The following PDE4B variants were observed in gnomAD, a reference collection of about 807,000 sequenced individuals.
The protein encoded by PDE4B is 3',5'-cyclic-AMP phosphodiesterase 4B.
PDE4B carries 20 observed loss-of-function variants against 82.2 expected under a neutral mutation model. The ratio of observed to expected loss-of-function variants is 0.24; its 90% CI spans 0.17 to 0.35. The LOEUF is 0.35. Ranked by LOEUF, PDE4B falls within the 10% of genes least tolerant of loss-of-function variation. The probability of loss-of-function intolerance (pLI) is 1.00; values close to 1 mark genes in which losing one functional copy is unlikely to be tolerated. For synonymous variants in PDE4B, 320 were observed against 318.9 expected, an observed-to-expected ratio of 1.00 and a Z score of -0.04; for missense variants, 655 against 907.2, an observed-to-expected ratio of 0.72 and a Z score of 3.57.
intron 3 of PDE4B, among the ~76,000 whole-genome samples, chr1:66,242,072 A>C (rs1402245856): frequency 6.6e-6 from 1 of 152,160 alleles, no homozygotes; most frequent in Non-Finnish European, 1.5e-5. Context: ...GGAGTGAGAG[A>C]GATAAGTAAA....
intron 8 of PDE4B, among the ~76,000 whole-genome samples, chr1:66,342,901 C>T (rs971020502): frequency 9.2e-5 from 14 of 151,922 alleles, no homozygotes; most frequent in Non-Finnish European, 1.5e-5. Flanking sequence ...AAAAATTAGC[C>T]GGACGCAGTG....
At chr1:65,975,619 G>A (rs966474167) in intron 3 of PDE4B, among the ~76,000 whole-genome samples, 2 of 152,190 alleles carry the variant, frequency 1.3e-5, no homozygotes, top group South Asian at 2.1e-4. Flanking sequence ...CAGAGGTGTA[G>A]GAGGGAAAAA....
At chr1:65,861,498 T>C (rs1467697515) in intron 1 of PDE4B, among the ~76,000 whole-genome samples, 1 of 152,226 alleles carries the variant, frequency 6.6e-6, no homozygotes, top group Non-Finnish European at 1.5e-5. Context: ...CTAGCTTTGT[T>C]CTTTTTGCTT....
At chr1:65,940,360 C>A (rs1412336845) in intron 3 of PDE4B, among the ~76,000 whole-genome samples, 1 of 152,056 alleles carries the variant, frequency 6.6e-6, no homozygotes, top group Non-Finnish European at 1.5e-5. Flanking sequence ...GCAATTAGAT[C>A]ATCGAACTGC....
chr1:65,887,212 T>TTC (rs1646790713), intron 1 of PDE4B, among the ~76,000 whole-genome samples: 2 of 17,576 alleles, frequency 1.1e-4, no homozygotes, highest in Non-Finnish European at 2.0e-4. Context: ...CTTTCTTTCT[T>TTC]TCTTTCTTTC....
At chr1:66,086,310 C>T (rs1340295309) in intron 3 of PDE4B, among the ~76,000 whole-genome samples, 2 of 152,088 alleles carry the variant, frequency 1.3e-5, no homozygotes, top group African/African-American at 2.4e-5. Context: ...TAAAATTCCT[C>T]GAAGAGCACG....
intron 7 of PDE4B, among the ~76,000 whole-genome samples, chr1:66,331,152 C>T (rs1483887482): frequency 6.6e-6 from 1 of 152,122 alleles, no homozygotes. Flanking sequence ...TAAGATTATT[C>T]ATATAATAAT....
At chr1:65,949,464 A>G (rs573249446) in intron 3 of PDE4B, among the ~76,000 whole-genome samples, 18 of 152,128 alleles carry the variant, frequency 1.2e-4, no homozygotes, top group Non-Finnish European at 2.5e-4. Flanking sequence ...CCAGGGCATT[A>G]AATCCTGTGT....
intron 3 of PDE4B, among the ~76,000 whole-genome samples, chr1:66,211,458 C>T (rs1398792083): frequency 6.6e-6 from 1 of 152,176 alleles, no homozygotes; most frequent in Admixed American, 6.5e-5. Context: ...ATAGGACCTG[C>T]ACTCAAATAC....
At chr1:66,368,678 C>T in intron 15 of PDE4B, 109 bp from the exon 16 acceptor site, 2 of 770,220 alleles carry the variant, frequency 2.6e-6, no homozygotes, top group East Asian at 6.0e-5. Flanking sequence ...TATAATGCAA[C>T]TAAAATGTTC....
intron 3 of PDE4B, among the ~76,000 whole-genome samples, chr1:66,075,275 G>C (rs535565275): frequency 6.6e-6 from 1 of 152,016 alleles, no homozygotes; most frequent in Non-Finnish European, 1.5e-5. Context: ...GGGTTCACCT[G>C]CCCTACATCA....
chr1:66,237,957 A>G (rs1002196009), intron 3 of PDE4B, among the ~76,000 whole-genome samples: 1 of 152,186 alleles, frequency 6.6e-6, no homozygotes, highest in African/African-American at 2.4e-5. Flanking sequence ...GAAGGCAATA[A>G]AAGGGGAAAA....
intron 1 of PDE4B, among the ~76,000 whole-genome samples, chr1:65,868,987 T>C (rs1646543830): frequency 1.3e-5 from 2 of 152,176 alleles, no homozygotes; most frequent in Non-Finnish European, 2.9e-5. Flanking sequence ...TCAAAAAGGT[T>C]GGGGACCACT....
intron 7 of PDE4B, among the ~76,000 whole-genome samples, chr1:66,274,278 A>G (rs1032040943): frequency 4.6e-5 from 7 of 151,694 alleles, no homozygotes; most frequent in African/African-American, 1.7e-4. Context: ...CTCCTGCCTC[A>G]GCCTCCCAAG....
chr1:66,004,833 ATTTG>A (rs1362183558), intron 3 of PDE4B, among the ~76,000 whole-genome samples: 3 of 151,854 alleles, frequency 2.0e-5, no homozygotes, highest in Non-Finnish European at 4.4e-5. Flanking sequence ...CTGTTTATTT[ATTTG>A]TTTATTTATT....
intron 3 of PDE4B, among the ~76,000 whole-genome samples, chr1:66,165,505 A>G (rs1646711435): frequency 6.6e-6 from 1 of 152,144 alleles, no homozygotes; most frequent in Non-Finnish European, 1.5e-5. Flanking sequence ...AAGTACACAC[A>G]TACACAAACT....
intron 3 of PDE4B, among the ~76,000 whole-genome samples, chr1:65,938,446 T>C (rs1648270361): frequency 6.6e-6 from 1 of 152,200 alleles, no homozygotes; most frequent in Non-Finnish European, 1.5e-5. Context: ...TATAAATAGG[T>C]TTATTAGCTT....
chr1:66,272,011 T>C (rs1046802913), intron 7 of PDE4B, among the ~76,000 whole-genome samples: 2 of 152,210 alleles, frequency 1.3e-5, no homozygotes, highest in African/African-American at 4.8e-5. Flanking sequence ...GCATCAGGGA[T>C]CTGCAGCAAA....
chr1:66,371,134 A>ATATATATATATAT (rs34396658), intron 16 of PDE4B, among the ~76,000 whole-genome samples: 1 of 120,858 alleles, frequency 8.3e-6, no homozygotes, highest in Non-Finnish European at 1.7e-5. Context: ...ATATATATAT[A>ATATATATATATAT]ATTTTATTTA....
Sources: gnomAD v4.1 joint callset for allele counts (sites outside exome capture counted in the v4.1 genomes callset) on GRCh38, gnomAD v4.1.1 for gene constraint, MANE v1.5 for transcripts, NCBI Gene and HGNC (gene_info 2026-07-23, HGNC 2026-07-21) for gene names.